The following ALKBH8 variants were observed in gnomAD, a reference collection of about 807,000 sequenced individuals.
ALKBH8 encodes the protein alkB homolog 8, tRNA methyltransferase, also known as tRNA (carboxymethyluridine(34)-5-O)-methyltransferase ALKBH8.
ALKBH8 carries 36 observed loss-of-function variants against 59.8 expected under a neutral mutation model. The observed-to-expected ratio is 0.60, with a 90% CI of 0.46 to 0.79. The LOEUF is 0.79. Ranked by LOEUF, ALKBH8 falls within the 30% of genes least tolerant of loss-of-function variation. The pLI, the probability that ALKBH8 is intolerant of heterozygous loss-of-function variation, is 0.00. For missense variants in ALKBH8, 768 were observed against 801.0 expected (o/e 0.96, Z 0.50); for synonymous variants, 276 against 273.6 (o/e 1.01, Z -0.09).
chr11:107,520,175 G>T (rs1459251137), intron 10 of ALKBH8, among the ~76,000 whole-genome samples: 2 of 152,136 alleles, frequency 1.3e-5, no homozygotes, highest in South Asian at 4.1e-4. Flanking sequence ...TCACAGGTTT[G>T]CTCCTCACCA....
chr11:107,541,894 G>A (rs1170053292), intron 7 of ALKBH8, among the ~76,000 whole-genome samples: 6 of 151,934 alleles, frequency 3.9e-5, no homozygotes, highest in African/African-American at 2.4e-5. Flanking sequence ...GAACAGAAAC[G>A]ATAAAAAAGA....
At chr11:107,520,477 T>TCGA (rs1237060819) in intron 10 of ALKBH8, among the ~76,000 whole-genome samples, 162 of 152,300 alleles carry the variant, frequency 1.1e-3, no homozygotes, top group African/African-American at 3.2e-3. Context: ...TTCGACCTAG[T>TCGA]TTCACTGTCA....
rs577364809 is a variant in ALKBH8, at chr11:107,547,289, A to G, written c.771+2464T>C. 3.3e-5 allele frequency among the ~76,000 whole-genome samples: 5 copies of G among 152,330 alleles called. No homozygotes were observed. In the South Asian group the frequency reaches 6.2e-4, roughly 19 times the overall value. ...TAAGGTGCTAGGAGAAATTCAAGTA[A>G]TTACACAGCATCAATCAATCAATAA... is the stretch of plus-strand genomic sequence containing the variant. On this transcript the variant is annotated intron_variant, in intron 7 of 11. Transcript: ENST00000428149.
chr11:107,537,536 C>T (rs1049965599), intron 7 of ALKBH8, among the ~76,000 whole-genome samples: 4 of 151,794 alleles, frequency 2.6e-5, no homozygotes, highest in African/African-American at 4.8e-5. Flanking sequence ...GGGGGAACAT[C>T]ACACACTGGG....
chr11:107,559,771 C>G (rs969379748), intron 2 of ALKBH8, among the ~76,000 whole-genome samples: 39 of 152,272 alleles, frequency 2.6e-4, no homozygotes, highest in African/African-American at 8.9e-4. Flanking sequence ...CTCCTAAATT[C>G]AAATGTGCCT....
chr11:107,551,743 G>T, intron 6 of ALKBH8, 65 bp downstream of exon 6: 4 of 660,046 alleles, frequency 6.1e-6, no homozygotes, highest in Non-Finnish European at 9.4e-6. Flanking sequence ...TCTGCCCTTA[G>T]AGAATTATAT....
chr11:107,537,967 A>G (rs1172505721), intron 7 of ALKBH8, among the ~76,000 whole-genome samples: 2 of 151,992 alleles, frequency 1.3e-5, no homozygotes, highest in African/African-American at 4.8e-5. Context: ...TTGAATAAGG[A>G]GTCTATACTT....
At chr11:107,505,284 T>A in intron 11 of ALKBH8, 69 bp from the exon 12 acceptor site, 1 of 1,213,730 alleles carries the variant, frequency 8.2e-7, no homozygotes, top group South Asian at 1.8e-5. Flanking sequence ...AAACTGACCA[T>A]AGGACTGTTT....
chr11:107,552,406 A>G (rs1309788902), intron 5 of ALKBH8, among the ~76,000 whole-genome samples: 18 of 152,170 alleles, frequency 1.2e-4, no homozygotes, highest in Admixed American at 1.2e-3. Flanking sequence ...TAACTCCAAC[A>G]AAGAATTATA....
At chr11:107,535,458 G>C (rs1863775540) in intron 7 of ALKBH8, among the ~76,000 whole-genome samples, 1 of 152,110 alleles carries the variant, frequency 6.6e-6, no homozygotes, top group African/African-American at 2.4e-5. Context: ...TCTCCCAGGA[G>C]TAAGGTGGCA....
chr11:107,534,002 C>CACCT (rs1303711435), intron 7 of ALKBH8, among the ~76,000 whole-genome samples: 2 of 152,014 alleles, frequency 1.3e-5, no homozygotes, highest in African/African-American at 4.8e-5. Context: ...TAGTGGTGGG[C>CACCT]ACCTGTAATC....
At chr11:107,522,653 G>C in intron 9 of ALKBH8, 98 bp from the exon 10 acceptor site, 1 of 1,339,682 alleles carries the variant, frequency 7.5e-7, no homozygotes, top group South Asian at 1.5e-5. Flanking sequence ...TGCAAATTTG[G>C]TGGGTAGACA....
intron 1 of ALKBH8, 95 bp downstream of exon 1, chr11:107,565,506 T>C: frequency 6.6e-7 from 1 of 1,520,848 alleles, no homozygotes. Flanking sequence ...TTCTCAGCCC[T>C]AGCTGGCAAG....
rs1399857506 is a variant in ALKBH8, at chr11:107,556,813, T to C, written c.320A>G (p.Asp107Gly). 2 of 1,481,050 alleles carry C rather than the reference T, an allele frequency of 1.4e-6. No individual in the cohort carries two copies. The highest frequency in any genetic ancestry group is 1.5e-5 in the South Asian group (1 of 68,500). The allele number at this position is 1,481,050 out of a possible 1,614,324, so 91.7% of individuals were successfully genotyped here. ...YVTLNGKEVV[D>G]DLGQKITLYL... is the part of the protein sequence containing the mutation. The stretch of plus-strand genomic sequence containing the variant: ...CAGAGTGATCTTTTGTCCTAAATCA[T>C]CCACTACTTCTTTTCCATTGAGGGT... The change falls in exon 3 of 12, where the codon GAT (aspartate) becomes GGT (glycine). Residue 107 changes from aspartate to glycine, a missense_variant. Physicochemically the swap from Asp to Gly is moderately conservative, Grantham distance 94. Transcript: ENST00000428149.
At chr11:107,538,760 G>C (rs1487471320) in intron 7 of ALKBH8, among the ~76,000 whole-genome samples, 1 of 152,194 alleles carries the variant, frequency 6.6e-6, no homozygotes, top group African/African-American at 2.4e-5. Context: ...ATAGGATAAA[G>C]AAGAATATAC....
At chr11:107,511,822 C>T (rs529644159) in intron 10 of ALKBH8, among the ~76,000 whole-genome samples, 128 of 152,040 alleles carry the variant, frequency 8.4e-4, no homozygotes, top group Middle Eastern at 3.4e-3. Flanking sequence ...GTGATCTGCC[C>T]GCCTCAGCCT....
chr11:107,563,869 G>C (rs1488053510), intron 1 of ALKBH8: 2 of 152,160 alleles, frequency 1.3e-5, no homozygotes, highest in Non-Finnish European at 1.5e-5. Flanking sequence ...CTCTCCCTCA[G>C]TCATGCAATA....
At chr11:107,556,676 G>A (rs1248836219) in intron 3 of ALKBH8, 90 bp downstream of exon 3, 2 of 915,352 alleles carry the variant, frequency 2.2e-6, no homozygotes, top group African/African-American at 1.7e-5. Flanking sequence ...TCCTCATTTT[G>A]TTTCACAATA....
At chr11:107,509,599 C>A (rs368331578) in intron 11 of ALKBH8, among the ~76,000 whole-genome samples, 1 of 152,192 alleles carries the variant, frequency 6.6e-6, no homozygotes, top group South Asian at 2.1e-4. Context: ...GGTTTTCCTC[C>A]TGTTTTCTTC....
Sources: allele counts gnomAD v4.1 joint callset (sites outside exome capture counted in the v4.1 genomes callset), GRCh38; gene constraint gnomAD v4.1.1; transcripts MANE v1.5; gene names NCBI Gene and HGNC (gene_info 2026-07-23, HGNC 2026-07-21).